The following ZNF618 variants were observed in gnomAD, a reference collection of about 807,000 sequenced individuals.
The protein encoded by ZNF618 is neural precursor cell expressed, developmentally down-regulated 10.
A neutral mutation model predicts 103.0 loss-of-function variants in ZNF618; 34 were observed. The ratio of observed to expected loss-of-function variants is 0.33; its 90% CI spans 0.25 to 0.44. The LOEUF (loss-of-function observed/expected upper bound fraction) is 0.44, where lower values mean the gene tolerates loss of function less well. Ranked by LOEUF, ZNF618 falls within the 20% of genes least tolerant of loss-of-function variation. The pLI, the probability that ZNF618 is intolerant of heterozygous loss-of-function variation, is 1.00. For missense variants in ZNF618, 1,059 were observed against 1,295.4 expected (o/e 0.82, Z 2.80); for synonymous variants, 551 against 542.2 (o/e 1.02, Z -0.23).
At chr9:114,002,738 C>G (rs1702482582) in intron 6 of ZNF618, 76 bp downstream of exon 6, 1 of 1,535,290 alleles carries the variant, frequency 6.5e-7, no homozygotes, top group African/African-American at 1.4e-5. Flanking sequence ...TGCTTGTCCC[C>G]TCCCCCAGAA....
chr9:113,970,175 CAGAG>C (rs140088372), intron 2 of ZNF618, among the ~76,000 whole-genome samples: 12 of 149,998 alleles, frequency 8.0e-5, no homozygotes, highest in South Asian at 2.1e-4. Context: ...AAGAGAGAGC[CAGAG>C]AGAGAGAGAG....
At chr9:113,916,929 G>A (rs896114774) in intron 1 of ZNF618, among the ~76,000 whole-genome samples, 4 of 152,158 alleles carry the variant, frequency 2.6e-5, no homozygotes, top group East Asian at 1.9e-4. Flanking sequence ...TTACTGGCTC[G>A]AGGACTGAAT....
At chr9:113,900,385 G>T (rs1201177337) in intron 1 of ZNF618, among the ~76,000 whole-genome samples, 1 of 152,152 alleles carries the variant, frequency 6.6e-6, no homozygotes, top group East Asian at 1.9e-4. Flanking sequence ...TTTTAAATGC[G>T]ATTAACCCTA....
At position 114,018,351 on chromosome 9, in the gene ZNF618, A is replaced by C. The variant is rs1295839372; in HGVS notation, c.844+1567A>C. Among the ~76,000 whole-genome samples, 5 of 152,372 alleles carry C rather than the reference A, an allele frequency of 3.3e-5. No homozygotes were observed. In the East Asian group the frequency reaches 9.6e-4, roughly 29 times the overall value. Reference sequence around the variant, plus strand: ...TCTGGAGATCCAGCTTTCCATAAGCAGGTACAGGGCAGCCATGTTTGTTCT... The same window carrying C: ...TCTGGAGATCCAGCTTTCCATAAGCCGGTACAGGGCAGCCATGTTTGTTCT... On this transcript the variant is annotated intron_variant, in intron 10 of 14. Coordinates refer to ENST00000374126, the MANE Select transcript of ZNF618 (RefSeq NM_001318042.2).
Position 113,912,795 on chromosome 9 carries a change from A to G in ZNF618, c.33+36382A>G, listed in dbSNP as rs367708884. Among the ~76,000 whole-genome samples, 40 of 152,180 alleles carry G rather than the reference A, an allele frequency of 2.6e-4. No homozygotes were observed. The East Asian group carries it at 5.0e-3, about 19-fold the overall frequency. ...CTGACCTCTGTGGGTGCCAAGACAG[A>G]TCCCACCCCCCTTGGCCTCATTTTC... is the stretch of plus-strand genomic sequence containing the variant. On this transcript the variant is annotated intron_variant, in intron 1 of 14. Transcript: ENST00000374126.
intron 1 of ZNF618, among the ~76,000 whole-genome samples, chr9:113,932,318 C>T (rs1833658053): frequency 6.6e-6 from 1 of 152,026 alleles, no homozygotes; most frequent in African/African-American, 2.4e-5. Flanking sequence ...GCCACAGTGG[C>T]TAGATGGAGA....
At chr9:113,911,556 T>A (rs139917023) in intron 1 of ZNF618, among the ~76,000 whole-genome samples, 357 of 152,092 alleles carry the variant, frequency 2.3e-3, no homozygotes, top group Middle Eastern at 6.8e-3. Context: ...CTCGAGCTCC[T>A]GACCTCAGGT....
At chr9:113,958,231 T>G (rs1217047164) in intron 1 of ZNF618, among the ~76,000 whole-genome samples, 3 of 152,192 alleles carry the variant, frequency 2.0e-5, no homozygotes, top group Non-Finnish European at 4.4e-5. Context: ...GGATTTGGAC[T>G]CGGAGTATCT....
intron 1 of ZNF618, among the ~76,000 whole-genome samples, chr9:113,958,870 C>A (rs775957356): frequency 6.6e-6 from 1 of 152,224 alleles, no homozygotes; most frequent in African/African-American, 2.4e-5. Context: ...AGCAGCCCAT[C>A]GGAGGACAGA....
chr9:113,978,345 T>A (rs534842592), intron 2 of ZNF618, among the ~76,000 whole-genome samples: 6 of 152,382 alleles, frequency 3.9e-5, no homozygotes, highest in Admixed American at 3.3e-4. Flanking sequence ...GCTTCTCTCC[T>A]TGTCACTAAA....
At chr9:113,974,686 T>C (rs1006822327) in intron 2 of ZNF618, among the ~76,000 whole-genome samples, 1 of 152,142 alleles carries the variant, frequency 6.6e-6, no homozygotes, top group Non-Finnish European at 1.5e-5. Flanking sequence ...GTTTCTTGGA[T>C]GGCCCCAGAG....
At chr9:113,949,103 AC>A (rs1299832380) in intron 1 of ZNF618, among the ~76,000 whole-genome samples, 2 of 152,206 alleles carry the variant, frequency 1.3e-5, no homozygotes, top group Non-Finnish European at 2.9e-5. Flanking sequence ...GAAATGGGTG[AC>A]GGAAGAGTGA....
chr9:114,021,738 C>A (rs1468004236), intron 10 of ZNF618, among the ~76,000 whole-genome samples: 3 of 152,092 alleles, frequency 2.0e-5, no homozygotes. Flanking sequence ...CTTACCACTT[C>A]CCCATCCCGA....
chr9:113,930,771 C>T (rs1010317428), intron 1 of ZNF618, among the ~76,000 whole-genome samples: 7 of 152,200 alleles, frequency 4.6e-5, no homozygotes, highest in Non-Finnish European at 1.0e-4. Flanking sequence ...CTGGGGGCAA[C>T]AGTGGTAGCT....
intron 1 of ZNF618, among the ~76,000 whole-genome samples, chr9:113,918,422 C>CAGTG (rs1417777857): frequency 2.0e-5 from 3 of 152,172 alleles, no homozygotes; most frequent in Non-Finnish European, 4.4e-5. Flanking sequence ...GCTTTTCTAT[C>CAGTG]CACTAATTTT....
intron 3 of ZNF618, among the ~76,000 whole-genome samples, chr9:113,995,218 G>T: frequency 6.7e-6 from 1 of 150,322 alleles, no homozygotes; most frequent in African/African-American, 2.4e-5. Flanking sequence ...ATAACAAGAT[G>T]TACATAAATT....
intron 1 of ZNF618, among the ~76,000 whole-genome samples, chr9:113,933,874 G>A (rs956212741): frequency 1.3e-5 from 2 of 152,100 alleles, no homozygotes; most frequent in African/African-American, 4.8e-5. Context: ...GGGTGACAGG[G>A]TGGTGGATTG....
chr9:113,979,673 G>A (rs1391118452), intron 2 of ZNF618, among the ~76,000 whole-genome samples: 1 of 152,170 alleles, frequency 6.6e-6, no homozygotes, highest in Admixed American at 6.5e-5. Flanking sequence ...ACCTTTCCTG[G>A]GCTTGGTCCT....
rs190817171 is a variant in ZNF618, at chr9:113,903,579, G to A, written c.33+27166G>A. ...TTTTGATATTCCCAGTTTTCTGGCT[G>A]TTATAACCGGAGAACCAGTGCTTCC... On this transcript the variant is annotated intron_variant, in intron 1 of 14. Transcript: ENST00000374126. 9.2e-5 allele frequency among the ~76,000 whole-genome samples: 14 copies of A among 151,966 alleles called. No individual in the cohort carries two copies. The East Asian group carries it at 2.5e-3, about 27-fold the overall frequency.
Sources: gnomAD v4.1 joint callset for allele counts (sites outside exome capture counted in the v4.1 genomes callset) on GRCh38, gnomAD v4.1.1 for gene constraint, MANE v1.5 for transcripts, NCBI Gene and HGNC (gene_info 2026-07-23, HGNC 2026-07-21) for gene names.